Variants in CNOT1 observed in about 807,000 individuals in gnomAD.
The protein encoded by CNOT1 is CCR4-NOT transcription complex subunit 1.
Under a neutral mutation model 273.8 loss-of-function variants are expected in CNOT1, and 15 were observed. The ratio of observed to expected loss-of-function variants is 0.05; its 90% CI spans 0.04 to 0.08. The LOEUF (loss-of-function observed/expected upper bound fraction) is 0.08, where lower values mean the gene tolerates loss of function less well. Among genes scored for constraint, CNOT1 ranks in the 10% least tolerant of loss-of-function variants. The pLI is 1.00. For missense variants in CNOT1, 1,644 were observed against 2,912.2 expected (o/e 0.56, Z 10.02); for synonymous variants, 1,022 against 1,005.5 (o/e 1.02, Z -0.31).
At chr16:58,629,445 G>C (rs890892740) in intron 1 of CNOT1, among the ~76,000 whole-genome samples, 24 of 152,116 alleles carry the variant, frequency 1.6e-4, no homozygotes, top group Non-Finnish European at 3.2e-4. Context: ...GCCCGGGACA[G>C]AGACCACCAT....
chr16:58,539,480 C>CACACACACACACACACACACAG (rs1555494952), intron 35 of CNOT1, among the ~76,000 whole-genome samples: 19,689 of 148,170 alleles, frequency 0.13, 1,422 homozygotes, highest in Admixed American at 0.21. Context: ...CACACACACA[C>CACACACACACACACACACACAG]ACACACACAC....
chr16:58,558,509 A>G lies in CNOT1; in HGVS notation c.2296T>C (p.Phe766Leu), dbSNP rs1204348150. Reference protein sequence around the residue: ...PLSTPNQTTAFSGIGGLSSQL... With the variant: ...PLSTPNQTTALSGIGGLSSQL... ...GATGAAAGTCCTCCAATACCACTGA[A>G]TGCAGTGGTCTGATTGGGGGTTGAA... The change falls in exon 18 of 49, where the codon TTC becomes CTC. Residue 766 changes from phenylalanine (F) to leucine (L), a missense_variant. This residue lies in a region of CNOT1 where 706 missense variants were observed against 1,021.2 expected (regional missense o/e 0.69). Transcript: ENST00000317147. 6.2e-7 allele frequency: 1 copy of G among 1,613,870 alleles called. No individual in the cohort carries two copies. The highest frequency in any genetic ancestry group is 1.3e-5 in the African/African-American group (1 of 74,886).
rs2040162358 is a variant in CNOT1 at position 58,543,496 on chromosome 16, ATT to A, written c.4434+109_4434+110del. 13 of 1,546,322 alleles carry A rather than the reference ATT, an allele frequency of 8.4e-6. No homozygotes were observed. The South Asian group carries it at 1.2e-4, about 15-fold the overall frequency. On this transcript the variant is annotated intron_variant, in intron 31 of 48. Transcript: ENST00000317147. ...TGGAAGACATCAAACAAATATGGTGATTATTAAGAATAAGTGGTAACGCCCAG... is the reference window on the plus strand; with the variant it reads ...TGGAAGACATCAAACAAATATGGTGAATTAAGAATAAGTGGTAACGCCCAG...
At chr16:58,594,580 G>T (rs550154830) in intron 2 of CNOT1, among the ~76,000 whole-genome samples, 13 of 151,942 alleles carry the variant, frequency 8.6e-5, no homozygotes, top group African/African-American at 3.1e-4. Flanking sequence ...GAGGCGGGTA[G>T]ATCACATGAT....
intron 42 of CNOT1, 52 bp from the exon 43 acceptor site, chr16:58,530,399 C>A (rs375023493): frequency 2.4e-5 from 34 of 1,397,098 alleles, no homozygotes; most frequent in Non-Finnish European, 3.1e-5. Flanking sequence ...TGTTTTTCAG[C>A]CACTACAAGT....
chr16:58,538,662 T>C (rs2039990140), intron 36 of CNOT1, 110 bp downstream of exon 36: 1 of 1,483,264 alleles, frequency 6.7e-7, no homozygotes, highest in African/African-American at 1.4e-5. Context: ...AGTCTAAGTG[T>C]CCGACCTACC....
chr16:58,625,430 T>G (rs917916681), intron 1 of CNOT1, among the ~76,000 whole-genome samples: 1 of 152,122 alleles, frequency 6.6e-6, no homozygotes, highest in Non-Finnish European at 1.5e-5. Flanking sequence ...GAGAATCACT[T>G]GAACCCAGGA....
chr16:58,532,379 A>G lies in CNOT1; in HGVS notation c.5912T>C (p.Val1971Ala). 1 of 1,614,094 alleles carries G rather than the reference A, an allele frequency of 6.2e-7. No homozygotes were observed. The highest frequency in any genetic ancestry group is 1.7e-5 in the Admixed American group (1 of 60,028). ...ATCATGATCCTGAAGGAGAACTCCCACTACTATACCAAGGACCTACGTAAA... is the reference window on the plus strand; with the variant it reads ...ATCATGATCCTGAAGGAGAACTCCCGCTACTATACCAAGGACCTACGTAAA... ...NLLNKVLGIVVGVLLQDHDVR... is the reference protein window; with the variant it reads ...NLLNKVLGIVAGVLLQDHDVR... Residue 1971 changes from valine to alanine, a missense_variant, in exon 41 of 49, where the codon GTG (valine) becomes GCG (alanine). Val to Ala is a moderately conservative substitution (Grantham distance 64). This residue lies in a region of CNOT1 where 133 missense variants were observed against 328.2 expected (regional missense o/e 0.41). Transcript: ENST00000317147.
intron 2 of CNOT1, among the ~76,000 whole-genome samples, chr16:58,590,589 T>C (rs1269302488): frequency 6.6e-6 from 1 of 151,190 alleles, no homozygotes. Flanking sequence ...AGTGAGACTC[T>C]GTCTCCAAAA....
chr16:58,583,062 T>C lies in CNOT1; in HGVS notation c.927A>G (p.Pro309=), dbSNP rs148760682. ...RTHSGLTDGI[P]LQSISAPGSG... ...ATAGCTGAATTCAACACACCTGTAA[T>C]GGAATGCCATCTGTTAATCCTGAAT... Residue 309 remains proline, a synonymous_variant, in exon 9 of 49, where the codon CCA becomes CCG. Coordinates refer to ENST00000317147, the MANE Select transcript of CNOT1 (RefSeq NM_016284.5). The C allele has an allele frequency of 7.7e-5, 124 of 1,614,056 alleles. No individual in the cohort carries two copies. The highest frequency in any genetic ancestry group is 2.0e-4 in the African/African-American group (15 of 75,054).
chr16:58,584,295 T>G (rs561863141), intron 8 of CNOT1, among the ~76,000 whole-genome samples: 1 of 152,178 alleles, frequency 6.6e-6, no homozygotes, highest in Non-Finnish European at 1.5e-5. Context: ...TATTCTGATA[T>G]GTACACAGCC....
chr16:58,529,859 A>G (rs1361009198), intron 43 of CNOT1, among the ~76,000 whole-genome samples: 6 of 129,802 alleles, frequency 4.6e-5, no homozygotes, highest in Admixed American at 7.6e-5. Flanking sequence ...AAAAAAAAAA[A>G]AAAAAAAAAA....
rs1162638329 is a variant in CNOT1 at position 58,547,317 on chromosome 16, T to C, written c.3640-21A>G. The C allele has an allele frequency of 2.5e-6, 4 of 1,611,076 alleles. No individual in the cohort carries two copies. The highest frequency in any genetic ancestry group is 4.5e-5 in the East Asian group (2 of 44,832). Reference sequence around the variant, plus strand: ...AAGTCCTAGAATAAGAAAAATACTTTCAAAAGCGGGGAATATACCCCCCAA... The same window carrying C: ...AAGTCCTAGAATAAGAAAAATACTTCCAAAAGCGGGGAATATACCCCCCAA... On this transcript the variant is annotated intron_variant, in intron 26 of 48. Coordinates refer to ENST00000317147, the MANE Select transcript of CNOT1 (RefSeq NM_016284.5). This position sits in a 1 kb window ranked among gnomAD's most constrained non-coding sequence, Gnocchi z 4.0.
chr16:58,587,174 G>C (rs201546093), intron 6 of CNOT1, 27 bp downstream of exon 6: 1 of 1,608,682 alleles, frequency 6.2e-7, no homozygotes, highest in Admixed American at 1.7e-5. Context: ...GTCTCACTTC[G>C]TGATATTTTT....
intron 29 of CNOT1, 134 bp from the exon 30 acceptor site, chr16:58,545,625 G>T: frequency 2.1e-6 from 3 of 1,437,164 alleles, no homozygotes; most frequent in Non-Finnish European, 2.8e-6. Flanking sequence ...GATGTAGCAG[G>T]TCCTATTTTT....
rs1406765472 is a variant in CNOT1 at position 58,520,040 on chromosome 16, A to G, written c.*918T>C. 6.6e-6 allele frequency: 1 copy of G among 152,258 alleles called. No individual in the cohort carries two copies. The highest frequency in any genetic ancestry group is 1.9e-4 in the East Asian group (1 of 5,202). The allele number at this position is 152,258 out of a possible 1,614,324, so 9.4% of individuals were successfully genotyped here. ...AGCCCAGGAAAAGGCTACAAAATAC[A>G]ACACAGGGACCAATACATTTGCAAA... On this transcript the variant is annotated 3_prime_UTR_variant, in exon 49 of 49. Transcript: ENST00000317147.
chr16:58,612,635 A>T (rs1423862973), intron 1 of CNOT1, among the ~76,000 whole-genome samples: 1 of 152,156 alleles, frequency 6.6e-6, no homozygotes, highest in Non-Finnish European at 1.5e-5. Context: ...GCTACTCAGG[A>T]GGCTGAGGCA....
In CNOT1 at chr16:58,520,975, C is replaced by G. The variant is rs2039346715; in HGVS notation, c.7114G>C (p.Gly2372Arg). 7.4e-6 allele frequency: 12 copies of G among 1,613,928 alleles called. No individual in the cohort carries two copies. The highest frequency in any genetic ancestry group is 1.0e-5 in the Non-Finnish European group (12 of 1,180,044). The change falls in exon 49 of 49, where the codon GGG (glycine) becomes CGG (arginine). Residue 2372 changes from glycine (G) to arginine (R), a missense_variant. By Grantham distance (125) the Gly-to-Arg change is moderately radical (BLOSUM62 -2). This residue lies in a region of CNOT1 where 140 missense variants were observed against 324.6 expected (regional missense o/e 0.43). Coordinates refer to ENST00000317147, the MANE Select transcript of CNOT1 (RefSeq NM_016284.5). ...GQKQAQQVME[G>R]TGAS ...AGTTTCGTCTAACTGGCACCTGTCC[C>G]TTCCATTACTTGCTGGGCCTGCTTC...
Position 58,537,906 on chromosome 16 carries a change from C to A in CNOT1, c.5399G>T (p.Gly1800Val), listed in dbSNP as rs2039972508. 1.9e-6 allele frequency: 3 copies of A among 1,614,062 alleles called. No homozygotes were observed. Among genetic ancestry groups the A allele is most frequent in the Admixed American group, 1.7e-5 (1 of 60,000 alleles). Residue 1800 changes from glycine to valine, a missense_variant, in exon 38 of 49, where the codon GGC becomes GTC. This residue lies in a region of CNOT1 where 133 missense variants were observed against 328.2 expected (regional missense o/e 0.41). Coordinates refer to ENST00000317147, the MANE Select transcript of CNOT1 (RefSeq NM_016284.5). The part of the protein sequence containing the change: ...TLMRINAHSR[G>V]NAPEGLPQLM... ...TCATCCTCACCCTTCTGGAGCATTG[C>A]CTCTGGAATGAGCATTAATCCTCAT...
Sources: allele counts gnomAD v4.1 joint callset (sites outside exome capture counted in the v4.1 genomes callset), GRCh38; gene constraint gnomAD v4.1.1; regional missense constraint gnomAD v4.1.1; non-coding constraint Gnocchi (gnomAD v3.1); transcripts MANE v1.5; gene names NCBI Gene and HGNC (gene_info 2026-07-23, HGNC 2026-07-21).